Variants in MXI1 observed in about 807,000 individuals in gnomAD.
MXI1 encodes the protein MAX interactor 1, dimerization protein.
In MXI1, 18 loss-of-function variants were observed where a neutral mutation model predicts 36.9. The observed-to-expected ratio is 0.49, with a 90% confidence interval of 0.34 to 0.72. The LOEUF (loss-of-function observed/expected upper bound fraction) is 0.72, where lower values mean the gene tolerates loss of function less well. MXI1 is among the 30% of genes least tolerant of loss of function. MXI1 has a pLI of 0.01. For synonymous variants in MXI1, 160 were observed against 146.7 expected, an observed-to-expected ratio of 1.09 and a Z score of -0.65; for missense variants, 304 against 379.1, an observed-to-expected ratio of 0.80 and a Z score of 1.64.
chr10:110,222,416 A>G (rs1196892785), intron 1 of MXI1, among the ~76,000 whole-genome samples: 1 of 152,238 alleles, frequency 6.6e-6, no homozygotes, highest in Non-Finnish European at 1.5e-5. Flanking sequence ...AAGAAAAGAT[A>G]CAACACATCA....
chr10:110,243,753 TA>T (rs1316712980), intron 2 of MXI1, among the ~76,000 whole-genome samples: 1 of 152,172 alleles, frequency 6.6e-6, no homozygotes, highest in African/African-American at 2.4e-5. Context: ...CTATTTAGCA[TA>T]AACCTGTTAG....
intron 2 of MXI1, among the ~76,000 whole-genome samples, chr10:110,230,682 A>G (rs1855227550): frequency 6.6e-6 from 1 of 152,220 alleles, no homozygotes; most frequent in Non-Finnish European, 1.5e-5. Flanking sequence ...TAGAAATTCC[A>G]ATACTGGGGT....
chr10:110,252,446 A>G (rs1470357682), intron 3 of MXI1, among the ~76,000 whole-genome samples: 1 of 152,052 alleles, frequency 6.6e-6, no homozygotes, highest in Non-Finnish European at 1.5e-5. Flanking sequence ...TTTCCATCTT[A>G]GGGCTTTTGC....
At chr10:110,274,965 C>T (rs1377412370) in intron 3 of MXI1, among the ~76,000 whole-genome samples, 2 of 150,598 alleles carry the variant, frequency 1.3e-5, no homozygotes, top group African/African-American at 4.9e-5. Flanking sequence ...ACCTCTGCCT[C>T]CTGGGTTCAA....
intron 1 of MXI1, among the ~76,000 whole-genome samples, chr10:110,219,393 C>T (rs1415955866): frequency 6.6e-6 from 1 of 152,218 alleles, no homozygotes; most frequent in African/African-American, 2.4e-5. Flanking sequence ...TCCTGCCTCA[C>T]TTAAAATAAA....
intron 3 of MXI1, among the ~76,000 whole-genome samples, chr10:110,265,552 AT>A (rs1856652352): frequency 6.6e-6 from 1 of 152,226 alleles, no homozygotes; most frequent in Non-Finnish European, 1.5e-5. Flanking sequence ...CAGAGGACTT[AT>A]AAAGATAATT....
intron 3 of MXI1, among the ~76,000 whole-genome samples, chr10:110,276,733 T>C (rs776888668): frequency 1.4e-4 from 22 of 152,340 alleles, no homozygotes; most frequent in Non-Finnish European, 2.6e-4. Flanking sequence ...TTAGTTATTT[T>C]CATTCTAGGT....
In MXI1 at chr10:110,219,042, G is replaced by A. The variant is rs149675104; in HGVS notation, c.275-9147G>A. On this transcript the variant is annotated intron_variant, in intron 1 of 5. Transcript: ENST00000332674. ...TGTCTGGGCGAGGTGGCTCATGCCTGTAATCCCAGCACTTTGGGAGGCCGA... is the reference window on the plus strand; with the variant it reads ...TGTCTGGGCGAGGTGGCTCATGCCTATAATCCCAGCACTTTGGGAGGCCGA... Among the ~76,000 whole-genome samples the A allele has an allele frequency of 6.2e-4, 95 of 152,348 alleles. 1 individual carries two copies. In the East Asian group the frequency reaches 0.018, roughly 28 times the overall value.
chr10:110,277,229 G>A (rs1018327266), intron 3 of MXI1, among the ~76,000 whole-genome samples: 27 of 152,284 alleles, frequency 1.8e-4, no homozygotes, highest in Middle Eastern at 3.4e-3. Context: ...AATTGACAAG[G>A]TATTCTTGCG....
intron 3 of MXI1, among the ~76,000 whole-genome samples, chr10:110,245,119 A>G (rs1428214483): frequency 6.6e-6 from 1 of 152,124 alleles, no homozygotes; most frequent in Admixed American, 6.6e-5. Context: ...TCTGAAAATG[A>G]GTTAATTGTT....
At chr10:110,281,337 A>G (rs539210345) in intron 5 of MXI1, among the ~76,000 whole-genome samples, 88 of 152,286 alleles carry the variant, frequency 5.8e-4, no homozygotes, top group Non-Finnish European at 1.1e-3. Context: ...TGCTATTATA[A>G]TACCCCACAA....
chr10:110,213,690 T>C (rs1200522898), intron 1 of MXI1, among the ~76,000 whole-genome samples: 2 of 152,156 alleles, frequency 1.3e-5, no homozygotes, highest in African/African-American at 4.8e-5. Flanking sequence ...CCATTCCTGG[T>C]TTGGGAGCAA....
chr10:110,276,458 A>G (rs894172493), intron 3 of MXI1, among the ~76,000 whole-genome samples: 2 of 152,206 alleles, frequency 1.3e-5, no homozygotes, highest in Admixed American at 6.5e-5. Flanking sequence ...TCAGATTTCA[A>G]CCTCTTTTAC....
intron 3 of MXI1, among the ~76,000 whole-genome samples, chr10:110,249,790 A>G (rs564663646): frequency 5.8e-4 from 88 of 152,198 alleles, no homozygotes; most frequent in Admixed American, 1.3e-3. Flanking sequence ...GTCAAAACCT[A>G]CTACTCTGGA....
intron 1 of MXI1, 130 bp downstream of exon 1, chr10:110,208,212 G>A: frequency 3.2e-6 from 3 of 946,358 alleles, no homozygotes; most frequent in South Asian, 1.8e-5. Flanking sequence ...TGGCAGTAAA[G>A]CCGATGACAC....
chr10:110,218,760 CCT>C (rs950420300), intron 1 of MXI1, among the ~76,000 whole-genome samples: 5 of 152,058 alleles, frequency 3.3e-5, no homozygotes, highest in Admixed American at 3.3e-4. Flanking sequence ...GAATCCACAC[CCT>C]GTCAGGCTTA....
At chr10:110,225,890 C>G (rs1854945915) in intron 1 of MXI1, 3 of 557,500 alleles carry the variant, frequency 5.4e-6, no homozygotes, top group Non-Finnish European at 6.8e-6. Flanking sequence ...TTCCCGGCAG[C>G]CGCGGGCGGG....
chr10:110,209,939 C>T (rs1260815597), intron 1 of MXI1, among the ~76,000 whole-genome samples: 4 of 151,124 alleles, frequency 2.6e-5, no homozygotes, highest in Non-Finnish European at 4.4e-5. Flanking sequence ...GCCACCCCCC[C>T]TCACCAGCGA....
At chr10:110,229,331 C>G (rs376501517) in intron 2 of MXI1, among the ~76,000 whole-genome samples, 1 of 152,292 alleles carries the variant, frequency 6.6e-6, no homozygotes, top group East Asian at 1.9e-4. Context: ...GAGGACAGAG[C>G]AATCCCTGGG....
Sources: allele counts gnomAD v4.1 joint callset (sites outside exome capture counted in the v4.1 genomes callset), GRCh38; gene constraint gnomAD v4.1.1; transcripts MANE v1.5; gene names NCBI Gene and HGNC (gene_info 2026-07-23, HGNC 2026-07-21).